The following NTM variants were observed in gnomAD, a reference collection of about 807,000 sequenced individuals.
The protein encoded by NTM is IgLON family member 2.
In NTM, 13 loss-of-function variants were observed where a neutral mutation model predicts 42.1. The ratio of observed to expected loss-of-function variants is 0.31; its 90% CI spans 0.20 to 0.49. The LOEUF is 0.49. Among genes scored for constraint, NTM ranks in the 20% least tolerant of loss-of-function variants. NTM has a pLI of 0.99. For synonymous variants in NTM, 187 were observed against 179.2 expected (o/e 1.04, Z -0.35); for missense variants, 373 against 452.8 (o/e 0.82, Z 1.60).
chr11:131,496,553 C>T (rs1469898035), intron 1 of NTM, among the ~76,000 whole-genome samples: 1 of 152,216 alleles, frequency 6.6e-6, no homozygotes, highest in African/African-American at 2.4e-5. Context: ...CCCTTCATTG[C>T]TCCCCCGAAG....
intron 2 of NTM, among the ~76,000 whole-genome samples, chr11:131,970,828 T>C (rs1294348960): frequency 3.3e-5 from 5 of 152,328 alleles, no homozygotes; most frequent in South Asian, 4.1e-4. Context: ...AGTGTTATCT[T>C]ATTTTTCCCC....
intron 2 of NTM, among the ~76,000 whole-genome samples, chr11:132,067,001 C>T (rs2136095900): frequency 1.3e-5 from 2 of 152,182 alleles, no homozygotes; most frequent in Middle Eastern, 3.4e-3. Context: ...GTCTCCCAGG[C>T]AGGAGTGCAG....
chr11:132,108,231 A>G (rs2062666312), intron 2 of NTM, among the ~76,000 whole-genome samples: 1 of 152,176 alleles, frequency 6.6e-6, no homozygotes, highest in African/African-American at 2.4e-5. Context: ...CTATTTCAAC[A>G]GGCTTTAGTT....
intron 4 of NTM, among the ~76,000 whole-genome samples, chr11:132,298,316 ATTTATTTTTTTATT>A (rs920938351): frequency 6.6e-6 from 1 of 152,146 alleles, no homozygotes; most frequent in Non-Finnish European, 1.5e-5. Context: ...TCAAAAGCTG[ATTTATTTTTTTATT>A]TTTATTTTTT....
At chr11:131,980,613 T>C (rs1348347779) in intron 2 of NTM, among the ~76,000 whole-genome samples, 1 of 152,202 alleles carries the variant, frequency 6.6e-6, no homozygotes, top group Non-Finnish European at 1.5e-5. Flanking sequence ...CAAAAACAAG[T>C]GAGAGTCTAC....
chr11:131,489,923 T>A (rs564699566), intron 1 of NTM, among the ~76,000 whole-genome samples: 1 of 152,250 alleles, frequency 6.6e-6, no homozygotes, highest in Admixed American at 6.5e-5. Flanking sequence ...CTTATTTGGC[T>A]TATGGTTCTG....
At chr11:131,634,104 T>C (rs2064063311) in intron 1 of NTM, among the ~76,000 whole-genome samples, 1 of 152,326 alleles carries the variant, frequency 6.6e-6, no homozygotes, top group Admixed American at 6.5e-5. Flanking sequence ...GCTTGGAGCA[T>C]ACTGGGTAAA....
chr11:131,457,002 G>C (rs999350668), intron 1 of NTM, among the ~76,000 whole-genome samples: 1 of 152,148 alleles, frequency 6.6e-6, no homozygotes, highest in East Asian at 1.9e-4. Flanking sequence ...GTGTGCTCAA[G>C]GGGTGCAATG....
chr11:131,475,205 T>C (rs2136200573), intron 1 of NTM, among the ~76,000 whole-genome samples: 1 of 152,316 alleles, frequency 6.6e-6, no homozygotes, highest in East Asian at 1.9e-4. Flanking sequence ...AAGCCCAACC[T>C]TTTAAGCAGA....
At chr11:132,078,812 T>A (rs974943066) in intron 2 of NTM, among the ~76,000 whole-genome samples, 11 of 152,352 alleles carry the variant, frequency 7.2e-5, no homozygotes, top group African/African-American at 2.6e-4. Context: ...AGCCGTTGGA[T>A]CTGTAAGGCT....
intron 1 of NTM, among the ~76,000 whole-genome samples, chr11:131,382,999 T>G (rs992755209): frequency 2.0e-5 from 3 of 152,336 alleles, no homozygotes; most frequent in Non-Finnish European, 4.4e-5. Context: ...CATAAGACCT[T>G]GCCTATCCTT....
rs1333339287 is a variant in NTM, at chr11:132,003,079, C to T, written c.167+91431C>T. 6.6e-6 allele frequency among the ~76,000 whole-genome samples: 1 copy of T among 152,038 alleles called. No individual in the cohort carries two copies. The highest frequency in any genetic ancestry group is 1.5e-5 in the Non-Finnish European group (1 of 68,018). On this transcript the variant is annotated intron_variant, in intron 2 of 8. Transcript: ENST00000683400. This position sits in a 1 kb window ranked among gnomAD's most constrained non-coding sequence, Gnocchi z 6.0. Reference sequence around the variant, plus strand: ...GCGCACTAAACAGTAAGATGCGCTGCCACAGTTGTGTGTGTAATTGACTTT... The same window carrying T: ...GCGCACTAAACAGTAAGATGCGCTGTCACAGTTGTGTGTGTAATTGACTTT...
intron 3 of NTM, among the ~76,000 whole-genome samples, chr11:132,198,806 T>C (rs1382230511): frequency 6.6e-6 from 1 of 152,206 alleles, no homozygotes; most frequent in African/African-American, 2.4e-5. Flanking sequence ...GCCTAATGTC[T>C]CAGGACATGT....
In NTM at chr11:131,713,015, G is replaced by T. The variant is rs148001585; in HGVS notation, c.83-198549G>T. On this transcript the variant is annotated intron_variant, in intron 1 of 8. Coordinates refer to ENST00000683400, the MANE Select transcript of NTM (RefSeq NM_001352005.2). ...GAGCCCCGGTTGGTCAGGGGTGGAG[G>T]TTGCAGGCCTGCTCATGGTGGTGTG... Among the ~76,000 whole-genome samples, 262 of 152,266 alleles carry T rather than the reference G, an allele frequency of 1.7e-3. 1 individual carries two copies. Among genetic ancestry groups the T allele is most frequent in the Middle Eastern group, 0.014 (4 of 294 alleles).
At chr11:131,682,315 C>G (rs528135023) in intron 1 of NTM, among the ~76,000 whole-genome samples, 2 of 152,314 alleles carry the variant, frequency 1.3e-5, no homozygotes, top group South Asian at 4.1e-4. Context: ...GCTGTGAGGA[C>G]TAATCTAAGA....
intron 2 of NTM, among the ~76,000 whole-genome samples, chr11:132,112,331 C>T (rs1350157784): frequency 6.6e-6 from 1 of 152,070 alleles, no homozygotes; most frequent in Non-Finnish European, 1.5e-5. Context: ...ACACATGTTT[C>T]ACAGAAGGGT....
At chr11:131,815,249 C>T (rs1193598099) in intron 1 of NTM, among the ~76,000 whole-genome samples, 2 of 152,138 alleles carry the variant, frequency 1.3e-5, no homozygotes, top group African/African-American at 4.8e-5. Context: ...TGGCTAACTA[C>T]AGTTTTTGTG....
At chr11:132,137,198 T>C (rs903273554) in intron 2 of NTM, among the ~76,000 whole-genome samples, 4 of 152,254 alleles carry the variant, frequency 2.6e-5, no homozygotes, top group African/African-American at 9.6e-5. Flanking sequence ...GCCCCATTTC[T>C]TCATCCAGTG....
At chr11:131,962,201 C>G (rs951934549) in intron 2 of NTM, among the ~76,000 whole-genome samples, 2 of 152,128 alleles carry the variant, frequency 1.3e-5, no homozygotes, top group African/African-American at 4.8e-5. Context: ...CTCTCATAAT[C>G]ATCTTTCTCT....
Sources: gnomAD v4.1 joint callset for allele counts (sites outside exome capture counted in the v4.1 genomes callset) on GRCh38, gnomAD v4.1.1 for gene constraint, Gnocchi (gnomAD v3.1) non-coding constraint, MANE v1.5 for transcripts, NCBI Gene and HGNC (gene_info 2026-07-23, HGNC 2026-07-21) for gene names.